The following SUGP2 variants were observed in gnomAD, a reference collection of about 807,000 sequenced individuals.
SUGP2 encodes SURP and G-patch domain containing 2.
In SUGP2, 24 loss-of-function variants were observed where a neutral mutation model predicts 90.5. That is an observed-to-expected ratio of 0.27 (90% CI 0.19 to 0.37). SUGP2 has a LOEUF of 0.37. Ranked by LOEUF, SUGP2 falls within the 10% of genes least tolerant of loss-of-function variation. The pLI is 1.00. For synonymous variants in SUGP2, 473 were observed against 513.4 expected, an observed-to-expected ratio of 0.92 and a Z score of 1.06; for missense variants, 1,233 against 1,363.3, an observed-to-expected ratio of 0.90 and a Z score of 1.51.
rs1230904275 is a variant in SUGP2, at chr19:18,992,088, G to A, written c.*1653C>T. 6.6e-6 allele frequency: 1 copy of A among 151,876 alleles called. No homozygotes were observed. The highest frequency in any genetic ancestry group is 1.9e-4 in the East Asian group (1 of 5,170). The allele number at this position is 151,876 out of a possible 1,614,324, so 9.4% of individuals were successfully genotyped here. A position where few individuals can be genotyped will look rare whatever the true frequency, so the allele number is the denominator to read the frequency against. ...TTTTTTTGAGACAGAGTCTCGCTCTGTTGCCAGGCTGGAGTGCGGTGGCAC... is the reference window on the plus strand; with the variant it reads ...TTTTTTTGAGACAGAGTCTCGCTCTATTGCCAGGCTGGAGTGCGGTGGCAC... On this transcript the variant is annotated 3_prime_UTR_variant, in exon 11 of 11. Transcript: ENST00000452918.
chr19:19,021,903 G>A (rs1053631215), intron 3 of SUGP2, among the ~76,000 whole-genome samples: 5 of 152,092 alleles, frequency 3.3e-5, no homozygotes, highest in Non-Finnish European at 5.9e-5. Flanking sequence ...GACCTCAGGT[G>A]ATCCACCTGC....
intron 4 of SUGP2, among the ~76,000 whole-genome samples, chr19:19,016,333 C>T (rs932367218): frequency 6.6e-6 from 1 of 152,080 alleles, no homozygotes; most frequent in Non-Finnish European, 1.5e-5. Flanking sequence ...TTGTACCCTG[C>T]CCTGCCCCCT....
At position 19,026,141 on chromosome 19, in the gene SUGP2, T is replaced by A. The variant is rs965437843; in HGVS notation, c.207A>T (p.Val69=). The change falls in exon 3 of 11, where the codon GTA becomes GTT. Residue 69 remains valine (V), a synonymous_variant. Coordinates refer to ENST00000452918, the MANE Select transcript of SUGP2 (RefSeq NM_001017392.5). ...CTCTTCCGGCATCTCTAGAGTGAGCTACAGATCCACTGAGGGAGTATCTGC... is the reference window on the plus strand; with the variant it reads ...CTCTTCCGGCATCTCTAGAGTGAGCAACAGATCCACTGAGGGAGTATCTGC... ...SDGRYSLSGS[V]AHSRDAGREG... is the part of the protein sequence containing the mutation. 6.2e-7 allele frequency: 1 copy of A among 1,613,928 alleles called. No individual in the cohort carries two copies. Among genetic ancestry groups the A allele is most frequent in the Non-Finnish European group, 8.5e-7 (1 of 1,180,014 alleles).
intron 4 of SUGP2, among the ~76,000 whole-genome samples, chr19:19,011,207 A>G (rs191086927): frequency 6.7e-6 from 1 of 150,038 alleles, no homozygotes; most frequent in African/African-American, 2.4e-5. Flanking sequence ...TAGCTTCATG[A>G]GTTGATTACA....
chr19:19,011,974 G>C (rs932671333), intron 4 of SUGP2, among the ~76,000 whole-genome samples: 1 of 152,196 alleles, frequency 6.6e-6, no homozygotes, highest in Non-Finnish European at 1.5e-5. Flanking sequence ...TTGATATTAA[G>C]TAGCGACATA....
rs886099614 is a variant in SUGP2 at position 18,994,589 on chromosome 19, G to A, written c.3129-103C>T. The A allele has an allele frequency of 4.1e-6, 6 of 1,448,180 alleles. No individual in the cohort carries two copies. The Admixed American group carries it at 6.3e-5, about 15-fold the overall frequency. The allele number at this position is 1,448,180 out of a possible 1,614,324, so 89.7% of individuals were successfully genotyped here. A position where few individuals can be genotyped will look rare whatever the true frequency, so the allele number is the denominator to read the frequency against. ...CAGTCCATGAGATGCAGGTGTTTGG[G>A]ACACACACTGAGACATCAAAGAAAG... On this transcript the variant is annotated intron_variant, in intron 9 of 10. Coordinates refer to ENST00000452918, the MANE Select transcript of SUGP2 (RefSeq NM_001017392.5).
At position 19,020,093 on chromosome 19, in the gene SUGP2, T is replaced by C. The variant is rs186691348; in HGVS notation, c.1730-864A>G. 5.4e-4 allele frequency among the ~76,000 whole-genome samples: 79 copies of C among 146,638 alleles called. 1 individual carries two copies. In the East Asian group the frequency reaches 0.015, roughly 28 times the overall value. ...AATAAATAAATAAAAAGGTCAGTGATCCCAAATTACATGTTCACAGAAAAT... is the reference window on the plus strand; with the variant it reads ...AATAAATAAATAAAAAGGTCAGTGACCCCAAATTACATGTTCACAGAAAAT... On this transcript the variant is annotated intron_variant, in intron 3 of 10. Coordinates refer to ENST00000452918, the MANE Select transcript of SUGP2 (RefSeq NM_001017392.5).
intron 8 of SUGP2, among the ~76,000 whole-genome samples, chr19:18,998,124 A>T (rs1056071899): frequency 2.0e-5 from 3 of 152,150 alleles, no homozygotes; most frequent in Non-Finnish European, 2.9e-5. Context: ...GCCTGCCTCC[A>T]TTCATCTCTC....
At chr19:19,008,282 GA>G (rs1568407422) in intron 6 of SUGP2, 34 bp downstream of exon 6, 15 of 1,523,408 alleles carry the variant, frequency 9.8e-6, no homozygotes, top group Non-Finnish European at 1.4e-5. Flanking sequence ...CTCTGAGAAA[GA>G]AAAAGGTGTG....
chr19:19,016,583 C>T lies in SUGP2; in HGVS notation c.1850+2526G>A, dbSNP rs185015591. ...TATCTGCTTGCATCTGTCAATCTGA[C>T]AATCCTTCAACATGCACACTGGTTC... On this transcript the variant is annotated intron_variant, in intron 4 of 10. Transcript: ENST00000452918. Among the ~76,000 whole-genome samples the T allele has an allele frequency of 3.9e-5, 6 of 152,290 alleles. No individual in the cohort carries two copies. In the East Asian group the frequency reaches 1.2e-3, roughly 29 times the overall value.
Position 19,025,629 on chromosome 19 carries a change from C to T in SUGP2, c.719G>A (p.Gly240Asp), listed in dbSNP as rs1366550565. The change falls in exon 3 of 11, where the codon GGT (glycine) becomes GAT (aspartate). Residue 240 changes from glycine (G) to aspartate (D), a missense_variant. Transcript: ENST00000452918. ...TCTCAATGTGACAAGTTTCCCAACACCCCCCTTAGCTGTGAGCAGGCCCTG... is the reference window on the plus strand; with the variant it reads ...TCTCAATGTGACAAGTTTCCCAACATCCCCCTTAGCTGTGAGCAGGCCCTG... The part of the protein sequence containing the change: ...ETQGLLTAKG[G>D]VGKLVTLRNV... 1 of 1,614,010 alleles carries T rather than the reference C, an allele frequency of 6.2e-7. No individual in the cohort carries two copies. Among genetic ancestry groups the T allele is most frequent in the African/African-American group, 1.3e-5 (1 of 74,966 alleles).
chr19:19,000,385 G>A (rs898611662), intron 8 of SUGP2, among the ~76,000 whole-genome samples: 22 of 152,114 alleles, frequency 1.4e-4, no homozygotes, highest in African/African-American at 4.1e-4. Flanking sequence ...GCATCCCCAG[G>A]ACTGCCTCAT....
intron 3 of SUGP2, among the ~76,000 whole-genome samples, chr19:19,023,366 G>A (rs2058801203): frequency 6.6e-6 from 1 of 152,146 alleles, no homozygotes; most frequent in South Asian, 2.1e-4. Flanking sequence ...GCCCAGGCTG[G>A]AGTGCGGTGG....
upstream of SUGP2, chr19:19,033,593 G>A (rs1175028452): frequency 2.5e-6 from 3 of 1,187,168 alleles, no homozygotes; most frequent in Non-Finnish European, 3.1e-6. Context: ...GTGCGCAGGC[G>A]CGGGCCGCCG....
intron 7 of SUGP2, 87 bp downstream of exon 7, chr19:19,004,081 A>G (rs2057957642): frequency 9.4e-7 from 1 of 1,066,894 alleles, no homozygotes; most frequent in African/African-American, 1.6e-5. Flanking sequence ...TTTGGATTAA[A>G]ATGTCTCCAC....
intron 5 of SUGP2, among the ~76,000 whole-genome samples, 194 bp downstream of exon 5, chr19:19,009,661 T>C (rs569657150): frequency 6.6e-6 from 1 of 152,264 alleles, no homozygotes; most frequent in East Asian, 1.9e-4. Flanking sequence ...AGGAGGGAGC[T>C]GCAGGACTCG....
Position 19,019,022 on chromosome 19 carries a change from C to T in SUGP2, c.1850+87G>A, listed in dbSNP as rs990757649. ...AACACCACTTGCTCAAGTATCTCAC[C>T]CTCTGCTCTCAATACCATCAGAGTG... is the stretch of plus-strand genomic sequence containing the variant. On this transcript the variant is annotated intron_variant, in intron 4 of 10. Transcript: ENST00000452918. 10 of 1,439,468 alleles carry T rather than the reference C, an allele frequency of 6.9e-6. No homozygotes were observed. The African/African-American group carries it at 9.8e-5, about 14-fold the overall frequency. 89.2% of individuals were successfully genotyped at this position (1,439,468 alleles called of 1,614,324 possible).
Position 18,994,325 on chromosome 19 carries a change from A to G in SUGP2, c.*41T>C, listed in dbSNP as rs370809831. On this transcript the variant is annotated intron_variant, in intron 10 of 10. Coordinates refer to ENST00000452918, the MANE Select transcript of SUGP2 (RefSeq NM_001017392.5). Reference sequence around the variant, plus strand: ...AAATTTCTCTGCATACCAGCACGCCAGCGAGGGCAGACGGCCTTACACACT... The same window carrying G: ...AAATTTCTCTGCATACCAGCACGCCGGCGAGGGCAGACGGCCTTACACACT... 9.4e-6 allele frequency: 15 copies of G among 1,597,850 alleles called. No homozygotes were observed. The African/African-American group carries it at 1.3e-4, about 14-fold the overall frequency.
chr19:19,004,009 G>A (rs2057952905), intron 7 of SUGP2, among the ~76,000 whole-genome samples, 159 bp downstream of exon 7: 1 of 152,242 alleles, frequency 6.6e-6, no homozygotes, highest in Admixed American at 6.5e-5. Context: ...TTAGAGCAAT[G>A]CCTTCAGACC....
Sources: gnomAD v4.1 joint callset for allele counts (sites outside exome capture counted in the v4.1 genomes callset) on GRCh38, gnomAD v4.1.1 for gene constraint, MANE v1.5 for transcripts, NCBI Gene and HGNC (gene_info 2026-07-23, HGNC 2026-07-21) for gene names.